The following CNTN4 variants were observed in gnomAD, a reference collection of about 807,000 sequenced individuals.
The protein encoded by CNTN4 is contactin-4.
Under a neutral mutation model 122.5 loss-of-function variants are expected in CNTN4, and 77 were observed. That is an observed-to-expected ratio of 0.63 (90% CI 0.52 to 0.76). CNTN4 has a LOEUF of 0.76. Among genes scored for constraint, CNTN4 ranks in the 30% least tolerant of loss-of-function variants. The pLI is 0.00. For missense variants in CNTN4, 1,256 were observed against 1,259.1 expected, an observed-to-expected ratio of 1.00 and a Z score of 0.04; for synonymous variants, 512 against 447.0, an observed-to-expected ratio of 1.15 and a Z score of -1.83.
At chr3:2,489,555 AAG>A (rs1345667688) in intron 3 of CNTN4, among the ~76,000 whole-genome samples, 2 of 152,234 alleles carry the variant, frequency 1.3e-5, no homozygotes, top group Admixed American at 1.3e-4. Context: ...CTGAGGAATT[AAG>A]AGAGTTTGAA....
At chr3:2,230,744 G>A (rs1330936172) in intron 2 of CNTN4, among the ~76,000 whole-genome samples, 2 of 152,012 alleles carry the variant, frequency 1.3e-5, no homozygotes, top group Non-Finnish European at 2.9e-5. Flanking sequence ...CAGCATTTTG[G>A]CAGGCTGAGG....
At chr3:2,391,652 G>T (rs926581562) in intron 3 of CNTN4, among the ~76,000 whole-genome samples, 1 of 152,146 alleles carries the variant, frequency 6.6e-6, no homozygotes, top group African/African-American at 2.4e-5. Context: ...GTAATGCCAA[G>T]TTAGTTAGCT....
rs574055641 is a variant in CNTN4 at position 2,182,496 on chromosome 3, G to A, written c.-145+81857G>A. On this transcript the variant is annotated intron_variant, in intron 2 of 24. Coordinates refer to ENST00000418658, the MANE Select transcript of CNTN4 (RefSeq NM_175607.3). ...CTTTTCATCTTTTCATTAATAAATA[G>A]CCAATATGTAATATCTGCCCATCCA... 2.6e-5 allele frequency among the ~76,000 whole-genome samples: 4 copies of A among 152,126 alleles called. No individual in the cohort carries two copies. The South Asian group carries it at 6.2e-4, about 24-fold the overall frequency.
At chr3:2,136,964 C>A (rs1559277805) in intron 2 of CNTN4, among the ~76,000 whole-genome samples, 2 of 152,102 alleles carry the variant, frequency 1.3e-5, no homozygotes. Flanking sequence ...AACAACCCCT[C>A]CCCCCGAAGA....
chr3:2,330,782 T>C (rs897631835), intron 2 of CNTN4, among the ~76,000 whole-genome samples: 1 of 152,140 alleles, frequency 6.6e-6, no homozygotes, highest in African/African-American at 2.4e-5. Context: ...GACTCTGGCA[T>C]TCTATAGCTG....
chr3:2,944,442 G>A (rs768635359), intron 13 of CNTN4, among the ~76,000 whole-genome samples: 1 of 152,056 alleles, frequency 6.6e-6, no homozygotes, highest in Non-Finnish European at 1.5e-5. Context: ...TGATAATCAT[G>A]AAAAGTTGAG....
chr3:2,785,550 GC>G (rs1320808767), intron 6 of CNTN4, among the ~76,000 whole-genome samples: 9 of 152,076 alleles, frequency 5.9e-5, no homozygotes, highest in African/African-American at 2.2e-4. Context: ...GCACTCCTTG[GC>G]CCAAATTAAC....
chr3:2,921,973 T>C (rs2094433779), intron 12 of CNTN4, among the ~76,000 whole-genome samples: 2 of 152,168 alleles, frequency 1.3e-5, no homozygotes, highest in Non-Finnish European at 2.9e-5. Context: ...ATAAAGATCA[T>C]TGAAAAATAA....
In CNTN4 at chr3:2,182,724, A is replaced by G. The variant is rs566514812; in HGVS notation, c.-145+82085A>G. Among the ~76,000 whole-genome samples the G allele has an allele frequency of 4.6e-5, 7 of 152,222 alleles. No individual in the cohort carries two copies. The East Asian group carries it at 1.2e-3, about 25-fold the overall frequency. ...GTCTTCCTATAATCCAGTTATTGGTATTAAATAATATTGAAGCTATTTTCC... is the reference window on the plus strand; with the variant it reads ...GTCTTCCTATAATCCAGTTATTGGTGTTAAATAATATTGAAGCTATTTTCC... On this transcript the variant is annotated intron_variant, in intron 2 of 24. Transcript: ENST00000418658.
intron 18 of CNTN4, among the ~76,000 whole-genome samples, chr3:3,038,179 T>A (rs1383109928): frequency 6.6e-6 from 1 of 152,152 alleles, no homozygotes; most frequent in Non-Finnish European, 1.5e-5. Flanking sequence ...GCCCGGAGCC[T>A]TTCAGTTACG....
intron 3 of CNTN4, among the ~76,000 whole-genome samples, chr3:2,460,073 A>G (rs1046343382): frequency 2.6e-5 from 4 of 152,076 alleles, no homozygotes; most frequent in Admixed American, 6.6e-5. Context: ...AGTTACGGTC[A>G]CATTTCCCTC....
At chr3:2,572,123 C>T (rs2079449966) in intron 4 of CNTN4, among the ~76,000 whole-genome samples, 1 of 152,212 alleles carries the variant, frequency 6.6e-6, no homozygotes, top group African/African-American at 2.4e-5. Flanking sequence ...CGCAGTGGCT[C>T]ACACCATTAA....
intron 4 of CNTN4, among the ~76,000 whole-genome samples, chr3:2,637,691 TCCTATAAAG>T (rs1186190311): frequency 2.0e-5 from 3 of 152,244 alleles, no homozygotes; most frequent in East Asian, 1.9e-4. Flanking sequence ...CTCCTATAAA[TCCTATAAAG>T]CCTGTATGTT....
At chr3:3,008,489 G>T (rs1239637309) in intron 14 of CNTN4, among the ~76,000 whole-genome samples, 1 of 152,162 alleles carries the variant, frequency 6.6e-6, no homozygotes, top group East Asian at 1.9e-4. Flanking sequence ...AAATATGATG[G>T]GGAAGAGTAA....
At chr3:3,028,676 T>C (rs73805603) in intron 15 of CNTN4, among the ~76,000 whole-genome samples, 3,962 of 152,272 alleles carry the variant, frequency 0.026, 174 homozygotes, top group African/African-American at 0.09. Flanking sequence ...TTTAAACCTG[T>C]ATTCGAAGTC....
chr3:2,730,802 C>G (rs558850375), intron 4 of CNTN4, among the ~76,000 whole-genome samples: 133 of 152,182 alleles, frequency 8.7e-4, no homozygotes, highest in African/African-American at 3.0e-3. Flanking sequence ...CAGCCTCAGC[C>G]CAGCCCCATC....
chr3:2,747,358 G>A (rs144602175), intron 6 of CNTN4, among the ~76,000 whole-genome samples: 11,719 of 149,916 alleles, frequency 0.078, 705 homozygotes, highest in African/African-American at 0.16. Context: ...GCAGTGAGCC[G>A]AGATGGCGCC....
At chr3:2,917,173 C>G (rs554258165) in intron 12 of CNTN4, among the ~76,000 whole-genome samples, 1 of 149,944 alleles carries the variant, frequency 6.7e-6, no homozygotes, top group East Asian at 2.0e-4. Flanking sequence ...TGGCGGCGCG[C>G]GCCTGCAATC....
chr3:2,313,263 G>C (rs1163852051), intron 2 of CNTN4, among the ~76,000 whole-genome samples: 1 of 151,550 alleles, frequency 6.6e-6, no homozygotes, highest in Non-Finnish European at 1.5e-5. Flanking sequence ...TATAAGAAGG[G>C]GTTATATCAA....
Sources: allele counts gnomAD v4.1 joint callset (sites outside exome capture counted in the v4.1 genomes callset), GRCh38; gene constraint gnomAD v4.1.1; transcripts MANE v1.5; gene names NCBI Gene and HGNC (gene_info 2026-07-23, HGNC 2026-07-21).